The following KIAA1217 variants were observed in gnomAD, a reference collection of about 807,000 sequenced individuals.
The protein encoded by KIAA1217 is sickle tail protein homolog.
A neutral mutation model predicts 163.9 loss-of-function variants in KIAA1217; 88 were observed. The ratio of observed to expected loss-of-function variants is 0.54; its 90% CI spans 0.45 to 0.64. KIAA1217 has a LOEUF of 0.64. KIAA1217 is among the 30% of genes least tolerant of loss of function. KIAA1217 has a pLI of 0.00. For missense variants in KIAA1217, 2,372 were observed against 2,475.0 expected, an observed-to-expected ratio of 0.96 and a Z score of 0.88; for synonymous variants, 903 against 923.1, an observed-to-expected ratio of 0.98 and a Z score of 0.39.
At chr10:24,063,648 T>A (rs960478031) in intron 2 of KIAA1217, among the ~76,000 whole-genome samples, 1 of 152,190 alleles carries the variant, frequency 6.6e-6, no homozygotes, top group African/African-American at 2.4e-5. Context: ...CATATGAACT[T>A]TAAAGTAGTT....
intron 1 of KIAA1217, among the ~76,000 whole-genome samples, chr10:23,901,098 C>G (rs1386578847): frequency 6.6e-6 from 1 of 152,024 alleles, no homozygotes; most frequent in Non-Finnish European, 1.5e-5. Context: ...CTTCTGAATG[C>G]TTACTTCATG....
At chr10:23,852,400 C>T (rs537380615) in intron 1 of KIAA1217, among the ~76,000 whole-genome samples, 2 of 152,258 alleles carry the variant, frequency 1.3e-5, no homozygotes, top group East Asian at 3.9e-4. Context: ...CAGTACCATG[C>T]CGTTTTGGTT....
intron 1 of KIAA1217, among the ~76,000 whole-genome samples, chr10:23,989,325 G>C (rs1044741863): frequency 1.3e-5 from 2 of 152,214 alleles, no homozygotes; most frequent in African/African-American, 2.4e-5. Flanking sequence ...TGTGACGCAG[G>C]ATACTTCATA....
chr10:24,323,272 G>A (rs550415195), intron 2 of KIAA1217, among the ~76,000 whole-genome samples: 27 of 152,230 alleles, frequency 1.8e-4, no homozygotes, highest in Admixed American at 7.8e-4. Context: ...CAAGGGCCTG[G>A]ACTTGTTACT....
At chr10:24,440,679 G>A (rs1043488733) in intron 5 of KIAA1217, among the ~76,000 whole-genome samples, 2 of 152,168 alleles carry the variant, frequency 1.3e-5, no homozygotes, top group Non-Finnish European at 2.9e-5. Flanking sequence ...CTTTTTCTGG[G>A]TTACCCAGAG....
intron 14 of KIAA1217, 101 bp downstream of exon 14, chr10:24,528,220 T>G (rs1185736535): frequency 2.2e-6 from 2 of 899,670 alleles, no homozygotes; most frequent in Admixed American, 5.6e-5. Flanking sequence ...AACCAATGTC[T>G]CAGTTCTTAC....
chr10:24,077,139 A>C (rs1355826682), intron 2 of KIAA1217, among the ~76,000 whole-genome samples: 1 of 152,118 alleles, frequency 6.6e-6, no homozygotes, highest in Non-Finnish European at 1.5e-5. Flanking sequence ...AGCCTCCCAA[A>C]GTGCTGAGAT....
At chr10:24,004,720 C>T (rs1388062174) in intron 1 of KIAA1217, among the ~76,000 whole-genome samples, 2 of 152,264 alleles carry the variant, frequency 1.3e-5, no homozygotes, top group Non-Finnish European at 2.9e-5. Flanking sequence ...ATACAACTTT[C>T]TCAGGGTGCT....
At chr10:23,791,103 G>T (rs1431665704) in intron 1 of KIAA1217, among the ~76,000 whole-genome samples, 4 of 152,132 alleles carry the variant, frequency 2.6e-5, no homozygotes, top group Admixed American at 2.6e-4. Flanking sequence ...GGGGAAAAAA[G>T]ACTCTTTTGA....
At chr10:24,520,600 G>A (rs1323523149) in intron 11 of KIAA1217, among the ~76,000 whole-genome samples, 1 of 132,348 alleles carries the variant, frequency 7.6e-6, no homozygotes, top group African/African-American at 3.0e-5. Context: ...ACCAGCCTGG[G>A]CAATATAGAG....
intron 3 of KIAA1217, among the ~76,000 whole-genome samples, chr10:24,388,397 C>T (rs2054329510): frequency 6.6e-6 from 1 of 152,116 alleles, no homozygotes; most frequent in Admixed American, 6.5e-5. Flanking sequence ...ACAGCTTATA[C>T]AAAAATTAAT....
chr10:23,697,217 A>T (rs1317334776), intron 1 of KIAA1217, among the ~76,000 whole-genome samples: 1 of 152,190 alleles, frequency 6.6e-6, no homozygotes, highest in Non-Finnish European at 1.5e-5. Flanking sequence ...TAATAAGATG[A>T]TTGGAATGTG....
chr10:23,890,661 T>C (rs1841379831), intron 1 of KIAA1217, among the ~76,000 whole-genome samples: 1 of 151,974 alleles, frequency 6.6e-6, no homozygotes, highest in African/African-American at 2.4e-5. Flanking sequence ...TTATACACTT[T>C]GGCATACAGC....
At chr10:23,733,946 A>G (rs901094874) in intron 1 of KIAA1217, among the ~76,000 whole-genome samples, 6 of 152,206 alleles carry the variant, frequency 3.9e-5, no homozygotes, top group Non-Finnish European at 7.3e-5. Flanking sequence ...AATATTTTTC[A>G]GTATATCTAT....
intron 1 of KIAA1217, among the ~76,000 whole-genome samples, chr10:23,904,372 A>G (rs897945886): frequency 6.6e-6 from 1 of 152,168 alleles, no homozygotes; most frequent in African/African-American, 2.4e-5. Context: ...CTTACAGAAC[A>G]TGTTATATTT....
At chr10:23,932,472 T>G (rs192881102) in intron 1 of KIAA1217, among the ~76,000 whole-genome samples, 149 of 151,696 alleles carry the variant, frequency 9.8e-4, no homozygotes, top group African/African-American at 3.4e-3. Flanking sequence ...TAAAAGCCAC[T>G]TGAGCAATAT....
intron 1 of KIAA1217, among the ~76,000 whole-genome samples, chr10:23,736,296 A>G (rs1838799998): frequency 6.6e-6 from 1 of 152,176 alleles, no homozygotes; most frequent in Admixed American, 6.5e-5. Context: ...TGAGTGTGGT[A>G]TGACACACAG....
At chr10:24,264,802 TC>T (rs2076071563) in intron 2 of KIAA1217, among the ~76,000 whole-genome samples, 1 of 111,682 alleles carries the variant, frequency 9.0e-6, no homozygotes, top group East Asian at 2.3e-4. Context: ...TCTCTCTCTC[TC>T]ATTCTCTCTT....
intron 1 of KIAA1217, among the ~76,000 whole-genome samples, chr10:23,716,631 C>T (rs1260541147): frequency 6.6e-6 from 1 of 152,120 alleles, no homozygotes; most frequent in Non-Finnish European, 1.5e-5. Context: ...CCAGCCTGGA[C>T]TGAACACACA....
Sources: gnomAD v4.1 joint callset for allele counts (sites outside exome capture counted in the v4.1 genomes callset) on GRCh38, gnomAD v4.1.1 for gene constraint, MANE v1.5 for transcripts, NCBI Gene and HGNC (gene_info 2026-07-23, HGNC 2026-07-21) for gene names.